Variants in ADAMTS17 observed in about 807,000 individuals in gnomAD.
The protein encoded by ADAMTS17 is ADAM metallopeptidase with thrombospondin type 1 motif 17.
A neutral mutation model predicts 141.5 loss-of-function variants in ADAMTS17; 113 were observed. The observed-to-expected ratio is 0.80, with a 90% CI of 0.69 to 0.93. The LOEUF is 0.93. Among genes scored for constraint, ADAMTS17 ranks in the 40% least tolerant of loss-of-function variants. The probability of loss-of-function intolerance (pLI) is 0.00; values close to 1 mark genes in which losing one functional copy is unlikely to be tolerated. For synonymous variants in ADAMTS17, 768 were observed against 630.6 expected (o/e 1.22, Z -3.27); for missense variants, 1,659 against 1,517.9 (o/e 1.09, Z -1.54).
At chr15:100,089,569 C>G (rs1222046891) in intron 15 of ADAMTS17, among the ~76,000 whole-genome samples, 1 of 151,652 alleles carries the variant, frequency 6.6e-6, no homozygotes, top group Non-Finnish European at 1.5e-5. Context: ...ATAGCAAAGA[C>G]TTGGAACCAA....
intron 8 of ADAMTS17, among the ~76,000 whole-genome samples, chr15:100,179,805 C>G (rs2040462970): frequency 6.6e-6 from 1 of 152,082 alleles, no homozygotes; most frequent in Non-Finnish European, 1.5e-5. Context: ...ATGATGAACA[C>G]TTTTTCATTT....
intron 7 of ADAMTS17, among the ~76,000 whole-genome samples, chr15:100,214,449 T>C (rs974401197): frequency 6.6e-6 from 1 of 152,212 alleles, no homozygotes; most frequent in Non-Finnish European, 1.5e-5. Context: ...ATTATTCTAG[T>C]CTTGCTGTAG....
intron 8 of ADAMTS17, among the ~76,000 whole-genome samples, chr15:100,175,405 G>A (rs549499569): frequency 1.4e-4 from 22 of 152,206 alleles, no homozygotes; most frequent in Admixed American, 9.8e-4. Context: ...TGATTTCACC[G>A]GACTGAGGCA....
intron 18 of ADAMTS17, among the ~76,000 whole-genome samples, chr15:100,001,265 C>T (rs1475622191): frequency 1.3e-5 from 2 of 152,040 alleles, no homozygotes; most frequent in African/African-American, 2.4e-5. Context: ...AATGTCTGTA[C>T]TTGGGAAGAA....
intron 3 of ADAMTS17, among the ~76,000 whole-genome samples, chr15:100,298,540 T>G (rs1417539895): frequency 6.6e-6 from 1 of 152,150 alleles, no homozygotes; most frequent in African/African-American, 2.4e-5. Flanking sequence ...CAGAACCGTG[T>G]TGGGCACACA....
rs542427181 is a variant in ADAMTS17 at position 100,079,546 on chromosome 15, A to G, written c.2137+16810T>C. ...TGGTTACCTAGGGCTTAAGAGGGAG[A>G]TGGGGAATGACTGCTACCAAGCATG... On this transcript the variant is annotated intron_variant, in intron 15 of 21. Coordinates refer to ENST00000268070, the MANE Select transcript of ADAMTS17 (RefSeq NM_139057.4). Among the ~76,000 whole-genome samples, 193 of 152,248 alleles carry G rather than the reference A, an allele frequency of 1.3e-3. 1 individual carries two copies. The highest frequency in any genetic ancestry group is 4.4e-3 in the African/African-American group (183 of 41,532).
chr15:100,232,980 A>G (rs1005591261), intron 7 of ADAMTS17, among the ~76,000 whole-genome samples: 1 of 152,164 alleles, frequency 6.6e-6, no homozygotes, highest in Non-Finnish European at 1.5e-5. Flanking sequence ...TTCAGTAAAT[A>G]TGGGTTGAAT....
At chr15:99,984,402 C>T (rs2060543508) in intron 20 of ADAMTS17, among the ~76,000 whole-genome samples, 1 of 152,206 alleles carries the variant, frequency 6.6e-6, no homozygotes, top group African/African-American at 2.4e-5. Context: ...GGTACCCAAC[C>T]ACGGAACGCA....
intron 7 of ADAMTS17, among the ~76,000 whole-genome samples, chr15:100,248,387 C>A (rs1341935726): frequency 6.6e-6 from 1 of 152,158 alleles, no homozygotes; most frequent in Non-Finnish European, 1.5e-5. Context: ...TGGAGAGAAG[C>A]GGCTGCTGTC....
rs553560850 is a variant in ADAMTS17 at position 100,102,173 on chromosome 15, CTGTT to C, written c.2017-5701_2017-5698del. Among the ~76,000 whole-genome samples the C allele has an allele frequency of 3.3e-5, 5 of 152,316 alleles. No homozygotes were observed. In the South Asian group the frequency reaches 8.3e-4, roughly 25 times the overall value. On this transcript the variant is annotated intron_variant, in intron 14 of 21. Transcript: ENST00000268070. ...AATTTTCTGCCAGGGTCAGTTTTTT[CTGTT>C]TGTTTTTCTTGGTCTTTCTCCTTCA... is the stretch of plus-strand genomic sequence containing the variant.
chr15:100,236,845 A>G (rs1199701600), intron 7 of ADAMTS17, among the ~76,000 whole-genome samples: 1 of 152,092 alleles, frequency 6.6e-6, no homozygotes, highest in Non-Finnish European at 1.5e-5. Flanking sequence ...ACTCTAAAGA[A>G]AAAGAAAGAA....
At chr15:100,195,655 T>C (rs2041087312) in intron 8 of ADAMTS17, among the ~76,000 whole-genome samples, 1 of 121,882 alleles carries the variant, frequency 8.2e-6, no homozygotes, top group Admixed American at 7.8e-5. Context: ...CAATCTCATC[T>C]CAAAAAAAAA....
intron 2 of ADAMTS17, among the ~76,000 whole-genome samples, chr15:100,334,536 G>A (rs2046150237): frequency 6.6e-6 from 1 of 152,048 alleles, no homozygotes; most frequent in South Asian, 2.1e-4. Flanking sequence ...AGATCCTCCC[G>A]TCCTGCCTCT....
chr15:100,053,749 G>A (rs954240948), intron 16 of ADAMTS17, 148 bp downstream of exon 16: 11 of 1,131,110 alleles, frequency 9.7e-6, no homozygotes, highest in South Asian at 8.8e-5. Flanking sequence ...GAGGGGAGAG[G>A]ACTGAGCAGC....
chr15:100,211,914 T>C (rs910763532), intron 7 of ADAMTS17, among the ~76,000 whole-genome samples: 1 of 152,172 alleles, frequency 6.6e-6, no homozygotes, highest in Non-Finnish European at 1.5e-5. Context: ...TTGGCCATTT[T>C]AGGAAGTAAT....
chr15:100,186,774 C>T (rs1483370429), intron 8 of ADAMTS17, among the ~76,000 whole-genome samples: 1 of 152,238 alleles, frequency 6.6e-6, no homozygotes. Flanking sequence ...TTTCCATCCC[C>T]TATCTCTGCA....
intron 6 of ADAMTS17, among the ~76,000 whole-genome samples, 178 bp from the exon 7 acceptor site, chr15:100,254,357 G>T (rs531733805): frequency 6.6e-6 from 1 of 152,264 alleles, no homozygotes; most frequent in East Asian, 1.9e-4. Flanking sequence ...CACATTTCCC[G>T]GGGTAGGTCC....
At chr15:100,278,912 C>T (rs7497542) in intron 4 of ADAMTS17, among the ~76,000 whole-genome samples, 55,774 of 151,966 alleles carry the variant, frequency 0.37, 10,568 homozygotes, top group South Asian at 0.49. Context: ...GCTCTCGGGC[C>T]TCCTTCAGCC....
chr15:99,996,917 T>C (rs1386645752), intron 19 of ADAMTS17, among the ~76,000 whole-genome samples: 1 of 152,214 alleles, frequency 6.6e-6, no homozygotes, highest in East Asian at 1.9e-4. Context: ...AATCCACTTC[T>C]TTCCAAAACA....
Sources: gnomAD v4.1 joint callset for allele counts (sites outside exome capture counted in the v4.1 genomes callset) on GRCh38, gnomAD v4.1.1 for gene constraint, MANE v1.5 for transcripts, NCBI Gene and HGNC (gene_info 2026-07-23, HGNC 2026-07-21) for gene names.